The following SCD5 variants were observed in gnomAD, a reference collection of about 807,000 sequenced individuals.
SCD5 encodes the protein stearoyl-CoA desaturase 5, also known as acyl-CoA-desaturase 4.
In SCD5, 20 loss-of-function variants were observed where a neutral mutation model predicts 30.4. The observed-to-expected ratio is 0.66, with a 90% confidence interval of 0.46 to 0.96. The LOEUF (loss-of-function observed/expected upper bound fraction) is 0.96, where lower values mean the gene tolerates loss of function less well. SCD5 is among the 40% of genes least tolerant of loss of function. The pLI is 0.00. For missense variants in SCD5, 381 were observed against 443.3 expected (o/e 0.86, Z 1.26); for synonymous variants, 173 against 176.4 (o/e 0.98, Z 0.16).
chr4:82,730,604 T>C (rs947586829), intron 1 of SCD5, among the ~76,000 whole-genome samples: 4 of 146,410 alleles, frequency 2.7e-5, no homozygotes, highest in African/African-American at 1.0e-4. Context: ...TTTTTTTTTT[T>C]AGAAGGAGTC....
chr4:82,770,498 G>A (rs1721596880), intron 1 of SCD5, among the ~76,000 whole-genome samples: 1 of 152,170 alleles, frequency 6.6e-6, no homozygotes, highest in Non-Finnish European at 1.5e-5. Context: ...GCAAGCAGTT[G>A]CATTTCTAGG....
At chr4:82,785,779 G>A (rs982347245) in intron 1 of SCD5, among the ~76,000 whole-genome samples, 6 of 152,162 alleles carry the variant, frequency 3.9e-5, no homozygotes, top group African/African-American at 1.4e-4. Context: ...GCCAAACAAT[G>A]GATGTGGGGG....
intron 1 of SCD5, among the ~76,000 whole-genome samples, chr4:82,780,488 T>C (rs1721843998): frequency 6.6e-6 from 1 of 152,196 alleles, no homozygotes; most frequent in Non-Finnish European, 1.5e-5. Flanking sequence ...ATCAGACACC[T>C]AAATCTCTCA....
At chr4:82,791,153 G>A (rs536015738) in intron 1 of SCD5, among the ~76,000 whole-genome samples, 4 of 152,114 alleles carry the variant, frequency 2.6e-5, no homozygotes, top group East Asian at 1.9e-4. Flanking sequence ...CAGGAGAATC[G>A]CTTGAACCCG....
intron 1 of SCD5, among the ~76,000 whole-genome samples, chr4:82,723,077 C>CAAA (rs59796077): frequency 1.0e-4 from 9 of 89,902 alleles, no homozygotes; most frequent in Admixed American, 1.3e-4. Context: ...AACTCTGTCT[C>CAAA]AAAAAAAAAA....
intron 1 of SCD5, among the ~76,000 whole-genome samples, chr4:82,728,166 C>T: frequency 6.6e-6 from 1 of 152,148 alleles, no homozygotes; most frequent in East Asian, 1.9e-4. Context: ...ATAAAGATGT[C>T]ATAAAGGAGT....
intron 2 of SCD5, among the ~76,000 whole-genome samples, chr4:82,695,969 A>G (rs930994972): frequency 6.6e-6 from 1 of 152,228 alleles, no homozygotes; most frequent in Non-Finnish European, 1.5e-5. Flanking sequence ...TTTATTGCAC[A>G]CAAGTCTAGC....
At chr4:82,648,477 G>A (rs1727676006) in intron 3 of SCD5, among the ~76,000 whole-genome samples, 1 of 152,220 alleles carries the variant, frequency 6.6e-6, no homozygotes. Context: ...GTGCAGTGGT[G>A]CCTAAGAGGT....
At chr4:82,708,340 C>G (rs1720010288) in intron 1 of SCD5, among the ~76,000 whole-genome samples, 1 of 151,986 alleles carries the variant, frequency 6.6e-6, no homozygotes, top group South Asian at 2.1e-4. Flanking sequence ...TAGACCCGTC[C>G]CAAAACAGAA....
intron 1 of SCD5, among the ~76,000 whole-genome samples, chr4:82,730,507 A>G (rs940793968): frequency 6.6e-6 from 1 of 150,750 alleles, no homozygotes; most frequent in Non-Finnish European, 1.5e-5. Flanking sequence ...CGTGTTAGCC[A>G]AGATGGTCTT....
intron 1 of SCD5, among the ~76,000 whole-genome samples, chr4:82,732,088 T>C (rs1218113100): frequency 6.6e-6 from 1 of 152,054 alleles, no homozygotes; most frequent in Non-Finnish European, 1.5e-5. Flanking sequence ...TTCTTTTCTC[T>C]ACTTTTCTAT....
At position 82,776,254 on chromosome 4, in the gene SCD5, A is replaced by C. The variant is rs1721742364; in HGVS notation, c.232+22052T>G. ...ACCAAGTGCTCTGGTGTAAAGTGCC[A>C]CATAGTGTTTTCATGGGGAAGAGAG... On this transcript the variant is annotated intron_variant, in intron 1 of 4. Coordinates refer to ENST00000319540, the MANE Select transcript of SCD5 (RefSeq NM_001037582.3). Among the ~76,000 whole-genome samples, 3 of 152,186 alleles carry C rather than the reference A, an allele frequency of 2.0e-5. No individual in the cohort carries two copies. In the South Asian group the frequency reaches 6.2e-4, roughly 32 times the overall value.
intron 3 of SCD5, among the ~76,000 whole-genome samples, chr4:82,679,762 C>G (rs1728529156): frequency 6.6e-6 from 1 of 152,178 alleles, no homozygotes; most frequent in Non-Finnish European, 1.5e-5. Context: ...GGGGAAAGAG[C>G]ACAGTCCTAA....
chr4:82,740,394 G>A (rs1421228208), intron 1 of SCD5, among the ~76,000 whole-genome samples: 2 of 152,208 alleles, frequency 1.3e-5, no homozygotes, highest in African/African-American at 4.8e-5. Flanking sequence ...TGGGGCAGGT[G>A]GACGGGGAGG....
At chr4:82,797,938 G>A (rs1179078638) in intron 1 of SCD5, among the ~76,000 whole-genome samples, 1 of 152,158 alleles carries the variant, frequency 6.6e-6, no homozygotes. Context: ...GTCCTCCCTC[G>A]CTGGGAGCCG....
At chr4:82,728,637 GC>G (rs1210155106) in intron 1 of SCD5, among the ~76,000 whole-genome samples, 14 of 152,036 alleles carry the variant, frequency 9.2e-5, no homozygotes, top group African/African-American at 3.4e-4. Context: ...CAGACTCAGT[GC>G]AAAAGGACCA....
intron 3 of SCD5, among the ~76,000 whole-genome samples, chr4:82,643,007 TAATATCCTTCACTTTGCA>T (rs2148813118): frequency 1.3e-5 from 2 of 152,316 alleles, no homozygotes; most frequent in South Asian, 4.1e-4. Flanking sequence ...GCAATTTTGG[TAATATCCTTCACTTTGCA>T]AATAATTAAT....
At chr4:82,693,407 C>A (rs895427015) in intron 2 of SCD5, among the ~76,000 whole-genome samples, 3 of 152,198 alleles carry the variant, frequency 2.0e-5, no homozygotes, top group Non-Finnish European at 4.4e-5. Flanking sequence ...TGAATCTGCA[C>A]ACTTCTCATT....
rs1336051693 is a variant in SCD5 at position 82,726,314 on chromosome 4, G to A, written c.233-20901C>T. On this transcript the variant is annotated intron_variant, in intron 1 of 4. Coordinates refer to ENST00000319540, the MANE Select transcript of SCD5 (RefSeq NM_001037582.3). ...TGCCTGTAATCCCAGCTACTCGGGA[G>A]GCTGAGGCAGGAGAATCGCTTGAAC... Among the ~76,000 whole-genome samples, 3 of 152,042 alleles carry A rather than the reference G, an allele frequency of 2.0e-5. No homozygotes were observed. In the East Asian group the frequency reaches 5.8e-4, roughly 29 times the overall value.
Sources: gnomAD v4.1 joint callset for allele counts (sites outside exome capture counted in the v4.1 genomes callset) on GRCh38, gnomAD v4.1.1 for gene constraint, MANE v1.5 for transcripts, NCBI Gene and HGNC (gene_info 2026-07-23, HGNC 2026-07-21) for gene names.